The following ZNF611 variants were observed in gnomAD, a reference collection of about 807,000 sequenced individuals.
ZNF611 encodes zinc finger protein 611.
Under a neutral mutation model 8.9 loss-of-function variants are expected in ZNF611, and 6 were observed. That is an observed-to-expected ratio of 0.68 (90% confidence interval 0.37 to 1.34). The LOEUF is 1.34. Ranked by LOEUF, ZNF611 falls within the 40% of genes most tolerant of loss-of-function variation. ZNF611 has a pLI of 0.02. For missense variants in ZNF611, 874 were observed against 841.3 expected, an observed-to-expected ratio of 1.04 and a Z score of -0.48; for synonymous variants, 262 against 279.7, an observed-to-expected ratio of 0.94 and a Z score of 0.63.
Position 52,718,729 on chromosome 19 carries a change from C to T in ZNF611, c.-19-2816G>A, listed in dbSNP as rs547566888. 1.6e-3 allele frequency among the ~76,000 whole-genome samples: 248 copies of T among 151,946 alleles called. 2 individuals are homozygous for T. The highest frequency in any genetic ancestry group is 2.4e-3 in the Non-Finnish European group (165 of 67,970). On this transcript the variant is annotated intron_variant, in intron 3 of 5. Transcript: ENST00000652185. ...AGGAGAATCACTTGAACTCCAGAGG[C>T]GAACTTTGCAGTGAACCAAGATCAT...
intron 1 of ZNF611, among the ~76,000 whole-genome samples, chr19:52,731,066 T>C (rs28796114): frequency 0.33 from 49,618 of 151,560 alleles, 8,166 homozygotes; most frequent in East Asian, 0.41. Context: ...TGGCTATTTT[T>C]TTTTGGGGGT....
intron 3 of ZNF611, among the ~76,000 whole-genome samples, chr19:52,727,846 T>C (rs1488447085): frequency 2.6e-5 from 4 of 152,100 alleles, no homozygotes; most frequent in South Asian, 2.1e-4. Flanking sequence ...TTTGAATCAT[T>C]TGATGTTTGA....
intron 5 of ZNF611, among the ~76,000 whole-genome samples, chr19:52,709,272 TTTTA>T (rs1028790748): frequency 6.6e-6 from 1 of 152,034 alleles, no homozygotes; most frequent in Non-Finnish European, 1.5e-5. Flanking sequence ...TACTATTTAT[TTTTA>T]TTTATTTATT....
At chr19:52,725,409 G>T (rs111947845) in intron 3 of ZNF611, among the ~76,000 whole-genome samples, 1 of 152,196 alleles carries the variant, frequency 6.6e-6, no homozygotes, top group Non-Finnish European at 1.5e-5. Context: ...CGCCCAGGGC[G>T]GGAATCCAGC....
chr19:52,715,962 T>A (rs1375883039), intron 3 of ZNF611, 49 bp from the exon 4 acceptor site: 4 of 1,599,682 alleles, frequency 2.5e-6, no homozygotes, highest in African/African-American at 2.7e-5. Context: ...ACTCACTCCC[T>A]TCCTGTGACA....
At position 52,720,244 on chromosome 19, in the gene ZNF611, C is replaced by T. The variant is rs933906359; in HGVS notation, c.-19-4331G>A. 9.8e-5 allele frequency among the ~76,000 whole-genome samples: 15 copies of T among 152,328 alleles called. No individual in the cohort carries two copies. The East Asian group carries it at 1.7e-3, about 18-fold the overall frequency. On this transcript the variant is annotated intron_variant, in intron 3 of 5. Transcript: ENST00000652185. ...TTCCCCCTTTTCTTTTCGACAAAAC[C>T]GCCATCGTCATCATGGCCAGTTCTC...
Position 52,706,030 on chromosome 19 carries a change from G to A in ZNF611, c.1025C>T (p.Pro342Leu), listed in dbSNP as rs781172981. 6.2e-7 allele frequency: 1 copy of A among 1,614,084 alleles called. No homozygotes were observed. Among genetic ancestry groups the A allele is most frequent in the Non-Finnish European group, 8.5e-7 (1 of 1,180,018 alleles). The change falls in exon 6 of 6, where the codon CCT (proline) becomes CTT (leucine). Residue 342 changes from proline to leucine, a missense_variant. Physicochemically the swap from Pro to Leu is moderately conservative, Grantham distance 98. Coordinates refer to ENST00000652185, the MANE Select transcript of ZNF611 (RefSeq NM_001161499.2). ...IDKAIDTGENPYKCNECDKAF... is the reference protein window; with the variant it reads ...IDKAIDTGENLYKCNECDKAF... The stretch of plus-strand genomic sequence containing the variant: ...CTTGTCACATTCATTACACTTGTAA[G>A]GATTTTCTCCAGTATCAATTGCCTT...
In ZNF611 at chr19:52,728,807, T is replaced by G. The variant is rs2062407676; in HGVS notation, c.-97A>C. The G allele has an allele frequency of 5.8e-6, 1 of 172,396 alleles. No homozygotes were observed. The highest frequency in any genetic ancestry group is 5.8e-5 in the Admixed American group (1 of 17,322). 10.7% of individuals were successfully genotyped at this position (172,396 alleles called of 1,614,324 possible). A position where few individuals can be genotyped will look rare whatever the true frequency, so the allele number is the denominator to read the frequency against. ...TGGCTCAAGTGATCCTCCCACCTTT[T>G]TCATCAAGCATTTGGAAGAGATATC... On this transcript the variant is annotated 5_prime_UTR_variant, in exon 3 of 6. Transcript: ENST00000652185.
rs530219771 is a variant in ZNF611 at position 52,713,953 on chromosome 19, G to T, written c.190+62C>A. 2.5e-6 allele frequency: 4 copies of T among 1,597,298 alleles called. No individual in the cohort carries two copies. The East Asian group carries it at 8.9e-5, about 36-fold the overall frequency. On this transcript the variant is annotated intron_variant, in intron 5 of 5. Coordinates refer to ENST00000652185, the MANE Select transcript of ZNF611 (RefSeq NM_001161499.2). ...GCAAAATCACAAAAGAGGATACAAA[G>T]CCAGGATGAGCCAAGATAGACAAGA... is the stretch of plus-strand genomic sequence containing the variant.
In ZNF611 at chr19:52,715,912, T is replaced by C. The variant is rs1185174994; in HGVS notation, c.-18A>G. 1 of 1,612,098 alleles carries C rather than the reference T, an allele frequency of 6.2e-7. No homozygotes were observed. Among genetic ancestry groups the C allele is most frequent in the Non-Finnish European group, 8.5e-7 (1 of 1,179,476 alleles). On this transcript the variant is annotated splice_region_variant and 5_prime_UTR_variant, in exon 4 of 6. Transcript: ENST00000652185. Reference sequence around the variant, plus strand: ...CGTAACATGAGTCTTTAGGAATCAATCCTGTATGTGAAAAAAAATGAGACT... The same window carrying C: ...CGTAACATGAGTCTTTAGGAATCAACCCTGTATGTGAAAAAAAATGAGACT...
intron 2 of ZNF611, among the ~76,000 whole-genome samples, chr19:52,729,585 A>G (rs2062413444): frequency 6.6e-6 from 1 of 151,986 alleles, no homozygotes; most frequent in African/African-American, 2.4e-5. Flanking sequence ...AAAATTACCT[A>G]TAACCACACA....
At chr19:52,707,386 G>T (rs1176553478) in intron 5 of ZNF611, 1 of 151,536 alleles carries the variant, frequency 6.6e-6, no homozygotes, top group African/African-American at 2.4e-5. Context: ...GATAAGAAAA[G>T]ATTACAAAAA....
At chr19:52,715,726 A>G in intron 4 of ZNF611, 106 bp downstream of exon 4, 1 of 1,544,824 alleles carries the variant, frequency 6.5e-7, no homozygotes, top group East Asian at 2.3e-5. Flanking sequence ...GTGCGAGTGA[A>G]CGTGTCAGAC....
intron 1 of ZNF611, among the ~76,000 whole-genome samples, chr19:52,734,013 A>C (rs1403631544): frequency 1.3e-5 from 2 of 151,752 alleles, no homozygotes; most frequent in African/African-American, 2.4e-5. Context: ...TCCTTGACAC[A>C]AGCACCACTC....
At chr19:52,721,118 G>A (rs12327833) in intron 3 of ZNF611, 49,338 of 153,592 alleles carry the variant, frequency 0.32, 7,994 homozygotes, top group East Asian at 0.38. Flanking sequence ...CTTCCCAAAC[G>A]GGGTGGTGGC....
chr19:52,705,105 G>A lies in ZNF611; in HGVS notation c.1950C>T (p.Tyr650=). The A allele has an allele frequency of 3.1e-6, 5 of 1,614,144 alleles. No individual in the cohort carries two copies. The highest frequency in any genetic ancestry group is 4.2e-6 in the Non-Finnish European group (5 of 1,180,044). The change falls in exon 6 of 6, where the codon TAC becomes TAT. Residue 650 remains tyrosine, a synonymous_variant. Coordinates refer to ENST00000652185, the MANE Select transcript of ZNF611 (RefSeq NM_001161499.2). ...HRRLHTGEKS[Y]KCTICDKAFV... is the part of the protein sequence containing the mutation. ...AAGCCTTGTCACAAATTGTACATTT[G>A]TAAGATTTCTCTCCAGTATGAAGTC...
At chr19:52,713,527 A>T (rs1244937220) in intron 5 of ZNF611, among the ~76,000 whole-genome samples, 2 of 152,106 alleles carry the variant, frequency 1.3e-5, no homozygotes, top group African/African-American at 2.4e-5. Flanking sequence ...CTGCTTAGAG[A>T]AGATGATCAT....
In ZNF611 at chr19:52,732,370, T is replaced by A. The variant is rs371277896; in HGVS notation, c.-221-2365A>T. 8.5e-4 allele frequency among the ~76,000 whole-genome samples: 65 copies of A among 76,210 alleles called. 3 individuals are homozygous for A. Among genetic ancestry groups the A allele is most frequent in the African/African-American group, 2.5e-3 (41 of 16,372 alleles). 50.0% of individuals were successfully genotyped at this position (76,210 alleles called of 152,430 possible). ...AATAACTCACAGTATTGAGTTATTC[T>A]GAATAACTCACAGTATTGAGTTATT... On this transcript the variant is annotated intron_variant, in intron 1 of 5. Transcript: ENST00000652185.
At chr19:52,707,647 T>C (rs2062254183) in intron 5 of ZNF611, 1 of 152,074 alleles carries the variant, frequency 6.6e-6, no homozygotes, top group South Asian at 2.1e-4. Flanking sequence ...TTTTTGTATT[T>C]TTATTTTTTT....
Sources: gnomAD v4.1 joint callset for allele counts (sites outside exome capture counted in the v4.1 genomes callset) on GRCh38, gnomAD v4.1.1 for gene constraint, MANE v1.5 for transcripts, NCBI Gene and HGNC (gene_info 2026-07-23, HGNC 2026-07-21) for gene names.